Variants in HDAC4 observed in about 807,000 individuals in gnomAD.
The protein encoded by HDAC4 is histone deacetylase 4.
A neutral mutation model predicts 135.1 loss-of-function variants in HDAC4; 16 were observed. The ratio of observed to expected loss-of-function variants is 0.12; its 90% CI spans 0.08 to 0.18. The LOEUF is 0.18. Among genes scored for constraint, HDAC4 ranks in the 10% least tolerant of loss-of-function variants. HDAC4 has a pLI of 1.00. For missense variants in HDAC4, 1,143 were observed against 1,511.8 expected (o/e 0.76, Z 4.05); for synonymous variants, 685 against 653.4 (o/e 1.05, Z -0.74).
At chr2:239,086,032 C>T (rs1319529540) in intron 19 of HDAC4, 1 of 10,124 alleles carries the variant, frequency 9.9e-5, no homozygotes, top group African/African-American at 4.8e-4. Context: ...GTACAGTCTC[C>T]TCCCTGCACA....
At position 239,307,585 on chromosome 2, in the gene HDAC4, G is replaced by C. The variant is rs934408012; in HGVS notation, c.22+45093C>G. On this transcript the variant is annotated intron_variant, in intron 2 of 26. Transcript: ENST00000543185. This position sits in a 1 kb window ranked among gnomAD's most constrained non-coding sequence, Gnocchi z 4.8. ...AGTGAGTGTCTGCTTCCTGGACCTCGCAGACTCACCAGGGACCCTAAACTT... is the reference window on the plus strand; with the variant it reads ...AGTGAGTGTCTGCTTCCTGGACCTCCCAGACTCACCAGGGACCCTAAACTT... Among the ~76,000 whole-genome samples the C allele has an allele frequency of 1.3e-5, 2 of 152,126 alleles. No individual in the cohort carries two copies. The highest frequency in any genetic ancestry group is 2.4e-5 in the African/African-American group (1 of 41,426).
At chr2:239,140,562 C>T (rs774489805) in intron 8 of HDAC4, among the ~76,000 whole-genome samples, 28 of 152,210 alleles carry the variant, frequency 1.8e-4, no homozygotes, top group Non-Finnish European at 4.0e-4. Context: ...AGTTTAACGG[C>T]ATTTTAACAA....
intron 2 of HDAC4, among the ~76,000 whole-genome samples, chr2:239,332,634 A>G (rs1314675919): frequency 1.4e-5 from 2 of 147,998 alleles, no homozygotes; most frequent in African/African-American, 5.0e-5. Flanking sequence ...AGAAAGTCTG[A>G]AAAAAAAAAA....
intron 4 of HDAC4, among the ~76,000 whole-genome samples, chr2:239,181,820 G>A (rs2044172095): frequency 6.6e-6 from 1 of 152,238 alleles, no homozygotes. Context: ...GTGGCATGGG[G>A]AGAACACTCA....
intron 1 of HDAC4, among the ~76,000 whole-genome samples, chr2:239,386,340 G>A (rs1222751539): frequency 6.6e-6 from 1 of 152,266 alleles, no homozygotes; most frequent in African/African-American, 2.4e-5. Flanking sequence ...GGCACTGGAG[G>A]GACGAGGAAA....
At chr2:239,353,964 T>C (rs1440084149) in intron 1 of HDAC4, among the ~76,000 whole-genome samples, 1 of 152,224 alleles carries the variant, frequency 6.6e-6, no homozygotes, top group Non-Finnish European at 1.5e-5. Flanking sequence ...AGTTCCCTCA[T>C]GTTTCTGTCT....
At chr2:239,311,514 A>T (rs542098316) in intron 2 of HDAC4, among the ~76,000 whole-genome samples, 1 of 152,110 alleles carries the variant, frequency 6.6e-6, no homozygotes. Context: ...CCAGTTGAAG[A>T]TGACAGATTT....
chr2:239,083,308 C>CT (rs2035539202), intron 20 of HDAC4, among the ~76,000 whole-genome samples: 1 of 152,242 alleles, frequency 6.6e-6, no homozygotes, highest in Non-Finnish European at 1.5e-5. Context: ...CTCCTACCTG[C>CT]TCCCTTAGGA....
chr2:239,126,810 T>A, intron 11 of HDAC4, 116 bp from the exon 12 acceptor site: 2 of 1,146,946 alleles, frequency 1.7e-6, no homozygotes, highest in South Asian at 2.6e-5. Context: ...AGCCCAGGCG[T>A]TCTGCCCTGG....
In HDAC4 at chr2:239,050,570, CAG is replaced by C. The variant is rs2030689588; in HGVS notation, c.*2525_*2526del. 1 of 152,692 alleles carries C rather than the reference CAG, an allele frequency of 6.5e-6. No individual in the cohort carries two copies. The highest frequency in any genetic ancestry group is 1.5e-5 in the Non-Finnish European group (1 of 68,056). The allele number at this position is 152,692 out of a possible 1,614,324, so 9.5% of individuals were successfully genotyped here. On this transcript the variant is annotated 3_prime_UTR_variant, in exon 27 of 27. Transcript: ENST00000543185. ...TCTGCCTGCTCTCAAACCACTGTCT[CAG>C]AGCTGACCATCAGCAGCCCAGTGAC...
rs1050371140 is a variant in HDAC4, at chr2:239,167,249, C to T, written c.491-3326G>A. Among the ~76,000 whole-genome samples, 4 of 152,192 alleles carry T rather than the reference C, an allele frequency of 2.6e-5. No homozygotes were observed. The highest frequency in any genetic ancestry group is 5.9e-5 in the Non-Finnish European group (4 of 68,034). ...TTACTGTGGATCCACTGGCCCTCCACGGGGGAGGGTGCGCACTCCAGGAAC... is the reference window on the plus strand; with the variant it reads ...TTACTGTGGATCCACTGGCCCTCCATGGGGGAGGGTGCGCACTCCAGGAAC... On this transcript the variant is annotated intron_variant, in intron 5 of 26. Coordinates refer to ENST00000543185, the MANE Select transcript of HDAC4 (RefSeq NM_001378414.1). This position sits in a 1 kb window ranked among gnomAD's most constrained non-coding sequence, Gnocchi z 4.1.
rs143016562 is a variant in HDAC4, at chr2:239,292,630, C to T, written c.23-55966G>A. On this transcript the variant is annotated intron_variant, in intron 2 of 26. Transcript: ENST00000543185. ...ATATATCCTATCTGGGAACTCGAGC[C>T]AAGTAATGGGTCAGGTCAAATAAGG... Among the ~76,000 whole-genome samples the T allele has an allele frequency of 3.3e-5, 5 of 152,310 alleles. No homozygotes were observed. In the East Asian group the frequency reaches 9.6e-4, roughly 29 times the overall value.
chr2:239,115,336 G>A lies in HDAC4; in HGVS notation c.1534-26C>T, dbSNP rs62190760. 147,299 of 1,612,424 alleles carry A rather than the reference G, an allele frequency of 0.091. 8,195 individuals are homozygous for A. The highest frequency in any genetic ancestry group is 0.26 in the Admixed American group (15,746 of 59,982). ...CTGCAAGGCGGAGGTAACACATGAA[G>A]CACAGAGAGCTGGGTCCTCTGAGCT... is the stretch of plus-strand genomic sequence containing the variant. On this transcript the variant is annotated intron_variant, in intron 12 of 26. Transcript: ENST00000543185. This position sits in a 1 kb window ranked among gnomAD's most constrained non-coding sequence, Gnocchi z 6.3.
At chr2:239,060,545 AG>A (rs1222570728) in intron 24 of HDAC4, among the ~76,000 whole-genome samples, 2 of 152,198 alleles carry the variant, frequency 1.3e-5, no homozygotes, top group East Asian at 1.9e-4. Context: ...AGCCCTGCAG[AG>A]GGGCCAGTTT....
chr2:239,318,589 C>T (rs919891436), intron 2 of HDAC4, among the ~76,000 whole-genome samples: 5 of 151,340 alleles, frequency 3.3e-5, no homozygotes, highest in African/African-American at 9.7e-5. Context: ...ACTCACTGAC[C>T]GTAGTTGAAG....
intron 5 of HDAC4, among the ~76,000 whole-genome samples, chr2:239,172,669 T>C (rs2043528338): frequency 6.6e-6 from 1 of 152,014 alleles, no homozygotes; most frequent in South Asian, 2.1e-4. Flanking sequence ...GAAATCGATA[T>C]TCAACAAACA....
chr2:239,141,883 G>A lies in HDAC4; in HGVS notation c.866-2087C>T, dbSNP rs1018236577. On this transcript the variant is annotated intron_variant, in intron 8 of 26. Transcript: ENST00000543185. The surrounding 1 kb of genome is among the most constrained non-coding windows in gnomAD (Gnocchi z 4.9). ...ATTCTACTTCCAGGAATAGGTCTAA[G>A]AAAATTCATATAAATGCATAATCTT... Among the ~76,000 whole-genome samples the A allele has an allele frequency of 3.9e-5, 6 of 152,218 alleles. No individual in the cohort carries two copies. Among genetic ancestry groups the A allele is most frequent in the African/African-American group, 1.4e-4 (6 of 41,456 alleles).
intron 1 of HDAC4, among the ~76,000 whole-genome samples, chr2:239,363,960 C>T (rs989705066): frequency 6.6e-6 from 1 of 152,232 alleles, no homozygotes; most frequent in African/African-American, 2.4e-5. Context: ...TCAATCAACA[C>T]ACACAAGGTC....
intron 1 of HDAC4, among the ~76,000 whole-genome samples, chr2:239,377,580 T>C (rs1428590087): frequency 6.6e-6 from 1 of 152,184 alleles, no homozygotes; most frequent in Non-Finnish European, 1.5e-5. Flanking sequence ...ACCTATGATG[T>C]ATCCTGCCTC....
Sources: gnomAD v4.1 joint callset for allele counts (sites outside exome capture counted in the v4.1 genomes callset) on GRCh38, gnomAD v4.1.1 for gene constraint, Gnocchi (gnomAD v3.1) non-coding constraint, MANE v1.5 for transcripts, NCBI Gene and HGNC (gene_info 2026-07-23, HGNC 2026-07-21) for gene names.